The following UBL3 variants were observed in gnomAD, a reference collection of about 807,000 sequenced individuals.
UBL3 encodes ubiquitin like 3.
A neutral mutation model predicts 18.4 loss-of-function variants in UBL3; 6 were observed. The observed-to-expected ratio is 0.33, with a 90% CI of 0.18 to 0.64. UBL3 has a LOEUF of 0.64. Ranked by LOEUF, UBL3 falls within the 30% of genes least tolerant of loss-of-function variation. The pLI, the probability that UBL3 is intolerant of heterozygous loss-of-function variation, is 0.76. For missense variants in UBL3, 109 were observed against 142.9 expected (o/e 0.76, Z 1.21); for synonymous variants, 49 against 46.6 (o/e 1.05, Z -0.21).
At chr13:29,837,007 A>G (rs1356737628) in intron 1 of UBL3, among the ~76,000 whole-genome samples, 1 of 152,222 alleles carries the variant, frequency 6.6e-6, no homozygotes, top group Non-Finnish European at 1.5e-5. Flanking sequence ...TAGTCCACCA[A>G]TAGTGAGGCT....
In UBL3 at chr13:29,849,596, CAGA is replaced by C. The variant is rs1360634918; in HGVS notation, c.-61_-59del. 4 of 1,600,660 alleles carry C rather than the reference CAGA, an allele frequency of 2.5e-6. No homozygotes were observed. Among genetic ancestry groups the C allele is most frequent in the Non-Finnish European group, 3.4e-6 (4 of 1,171,482 alleles). On this transcript the variant is annotated 5_prime_UTR_variant, in exon 1 of 5. Coordinates refer to ENST00000380680, the MANE Select transcript of UBL3 (RefSeq NM_007106.4). ...AAAAAAACAAACAAAGAAAAAAGAGCAGAAGTCTTCACGTTACAGAAATAAACC... is the reference window on the plus strand; with the variant it reads ...AAAAAAACAAACAAAGAAAAAAGAGCAGTCTTCACGTTACAGAAATAAACC...
intron 3 of UBL3, among the ~76,000 whole-genome samples, chr13:29,771,909 A>G (rs1876850227): frequency 6.6e-6 from 1 of 152,102 alleles, no homozygotes; most frequent in Admixed American, 6.6e-5. Flanking sequence ...TTTATTTCAC[A>G]AGGTAGTAAA....
chr13:29,776,663 G>C (rs181892441), intron 2 of UBL3, among the ~76,000 whole-genome samples: 3 of 151,986 alleles, frequency 2.0e-5, no homozygotes, highest in Admixed American at 6.5e-5. Flanking sequence ...ACAAGGTCAA[G>C]AGATCGAGAC....
chr13:29,821,608 T>C (rs1343580499), intron 1 of UBL3, among the ~76,000 whole-genome samples: 2 of 152,232 alleles, frequency 1.3e-5, no homozygotes, highest in Non-Finnish European at 2.9e-5. Context: ...ACTTCTTTGG[T>C]TGAGCTTTCT....
intron 1 of UBL3, among the ~76,000 whole-genome samples, chr13:29,780,196 C>T (rs778145038): frequency 2.0e-5 from 3 of 150,934 alleles, no homozygotes; most frequent in Non-Finnish European, 3.0e-5. Flanking sequence ...CTACTAAAAA[C>T]ACAAAAAATT....
At chr13:29,827,417 G>C (rs906509206) in intron 1 of UBL3, among the ~76,000 whole-genome samples, 1 of 152,180 alleles carries the variant, frequency 6.6e-6, no homozygotes, top group African/African-American at 2.4e-5. Flanking sequence ...TTGTTGAATT[G>C]ATCCCTTTAC....
chr13:29,847,677 C>G (rs189206200), intron 1 of UBL3, among the ~76,000 whole-genome samples: 59 of 152,270 alleles, frequency 3.9e-4, no homozygotes, highest in Non-Finnish European at 7.6e-4. Context: ...ATAGACGGTA[C>G]TTAAGGTTAA....
At chr13:29,814,040 A>G (rs1020247955) in intron 1 of UBL3, among the ~76,000 whole-genome samples, 7 of 152,152 alleles carry the variant, frequency 4.6e-5, no homozygotes, top group Non-Finnish European at 8.8e-5. Context: ...ACGCTTCTTC[A>G]GCTTATTCAA....
chr13:29,833,378 C>A (rs941855291), intron 1 of UBL3, among the ~76,000 whole-genome samples: 3 of 150,780 alleles, frequency 2.0e-5, no homozygotes, highest in African/African-American at 7.5e-5. Flanking sequence ...ATCTAGGACA[C>A]TGGCACCCAA....
chr13:29,794,216 T>C (rs1877551361), intron 1 of UBL3, among the ~76,000 whole-genome samples: 1 of 152,130 alleles, frequency 6.6e-6, no homozygotes, highest in East Asian at 1.9e-4. Context: ...ACTGAAGGTA[T>C]TATCCTTACT....
intron 1 of UBL3, among the ~76,000 whole-genome samples, chr13:29,786,657 T>C (rs1231993944): frequency 4.6e-5 from 7 of 152,238 alleles, no homozygotes; most frequent in Non-Finnish European, 8.8e-5. Flanking sequence ...ACTATGAATT[T>C]ACTTGTATTC....
At chr13:29,789,469 T>C (rs1362575490) in intron 1 of UBL3, among the ~76,000 whole-genome samples, 6 of 152,246 alleles carry the variant, frequency 3.9e-5, no homozygotes, top group African/African-American at 1.4e-4. Flanking sequence ...GAGCTATACC[T>C]GTATTATTAG....
intron 1 of UBL3, among the ~76,000 whole-genome samples, chr13:29,791,496 AC>A (rs1461300676): frequency 6.6e-6 from 1 of 152,210 alleles, no homozygotes; most frequent in Non-Finnish European, 1.5e-5. Context: ...CAGTCCAACT[AC>A]TGCTAATTCC....
At chr13:29,781,957 C>T (rs981597196) in intron 1 of UBL3, among the ~76,000 whole-genome samples, 1 of 149,756 alleles carries the variant, frequency 6.7e-6, no homozygotes, top group African/African-American at 2.5e-5. Context: ...GTGCAATGAT[C>T]ATGCCATTGC....
At chr13:29,786,764 T>C (rs1458311367) in intron 1 of UBL3, among the ~76,000 whole-genome samples, 1 of 28,390 alleles carries the variant, frequency 3.5e-5, no homozygotes, top group Non-Finnish European at 1.2e-4. Flanking sequence ...CTGTTTAGCA[T>C]TTAGTTATGA....
rs1377520324 is a variant in UBL3 at position 29,835,213 on chromosome 13, C to A, written c.27+14299G>T. On this transcript the variant is annotated intron_variant, in intron 1 of 4. Coordinates refer to ENST00000380680, the MANE Select transcript of UBL3 (RefSeq NM_007106.4). ...CCACCCTCCTGGAATCTATGGCCTACTGGGGAGGACAAATAACTGAATTAC... is the reference window on the plus strand; with the variant it reads ...CCACCCTCCTGGAATCTATGGCCTAATGGGGAGGACAAATAACTGAATTAC... 3.3e-4 allele frequency among the ~76,000 whole-genome samples: 40 copies of A among 121,188 alleles called. 2 individuals carry two copies. The highest frequency in any genetic ancestry group is 1.2e-3 in the African/African-American group (39 of 32,458). The allele number at this position is 121,188 out of a possible 152,430, so 79.5% of individuals were successfully genotyped here.
chr13:29,835,126 AT>A (rs1878909194), intron 1 of UBL3, among the ~76,000 whole-genome samples: 1 of 3,296 alleles, frequency 3.0e-4, no homozygotes, highest in African/African-American at 1.5e-3. Flanking sequence ...ATATATATAA[AT>A]ATATATATAT....
At chr13:29,785,420 T>A (rs1877288066) in intron 1 of UBL3, among the ~76,000 whole-genome samples, 2 of 152,214 alleles carry the variant, frequency 1.3e-5, no homozygotes, top group South Asian at 4.1e-4. Flanking sequence ...TTATTGACAT[T>A]TGAAAATGAA....
chr13:29,835,101 T>A (rs9579487), intron 1 of UBL3, among the ~76,000 whole-genome samples: 25,971 of 44,506 alleles, frequency 0.58, 6,188 homozygotes, highest in South Asian at 0.64. Flanking sequence ...TATATATATA[T>A]ATATAAATAT....
Sources: gnomAD v4.1 joint callset for allele counts (sites outside exome capture counted in the v4.1 genomes callset) on GRCh38, gnomAD v4.1.1 for gene constraint, MANE v1.5 for transcripts, NCBI Gene and HGNC (gene_info 2026-07-23, HGNC 2026-07-21) for gene names.